Variants in RAD51B observed in about 807,000 individuals in gnomAD.
RAD51B encodes the protein RAD51 paralog B.
In RAD51B, 38 loss-of-function variants were observed where a neutral mutation model predicts 42.2. The observed-to-expected ratio is 0.90, with a 90% CI of 0.70 to 1.18. The LOEUF is 1.18. Ranked by LOEUF, RAD51B falls within the 50% of genes most tolerant of loss-of-function variation. The pLI, the probability that RAD51B is intolerant of heterozygous loss-of-function variation, is 0.00. For synonymous variants in RAD51B, 154 were observed against 145.2 expected (o/e 1.06, Z -0.43); for missense variants, 373 against 400.7 (o/e 0.93, Z 0.59).
At chr14:68,344,946 C>CAAAAA (rs34579667) in intron 8 of RAD51B, among the ~76,000 whole-genome samples, 10 of 113,212 alleles carry the variant, frequency 8.8e-5, no homozygotes, top group Non-Finnish European at 1.5e-4. Context: ...GACTCAATCT[C>CAAAAA]AAAAAAAAAA....
At chr14:67,840,015 A>G (rs2041371654) in intron 4 of RAD51B, among the ~76,000 whole-genome samples, 1 of 152,154 alleles carries the variant, frequency 6.6e-6, no homozygotes, top group Non-Finnish European at 1.5e-5. Flanking sequence ...ATAACTTTGC[A>G]TGATATTGAT....
chr14:68,328,850 A>C (rs1197581760), intron 8 of RAD51B, among the ~76,000 whole-genome samples: 1 of 152,208 alleles, frequency 6.6e-6, no homozygotes, highest in Non-Finnish European at 1.5e-5. Context: ...AGCCTGCCTA[A>C]GACTAACAAC....
intron 8 of RAD51B, among the ~76,000 whole-genome samples, chr14:68,405,829 CAAAAAAAAAA>C (rs10547910): frequency 4.2e-5 from 3 of 71,546 alleles, no homozygotes; most frequent in African/African-American, 9.1e-5. Flanking sequence ...AGTTTATCAC[CAAAAAAAAAA>C]AAAAAAAAAA....
chr14:68,587,085 C>CT (rs1453746746), intron 10 of RAD51B, among the ~76,000 whole-genome samples: 1 of 152,166 alleles, frequency 6.6e-6, no homozygotes, highest in African/African-American at 2.4e-5. Flanking sequence ...GCCAGGGATC[C>CT]TGCTCTCTGC....
At chr14:68,650,874 T>C (rs766812418) in intron 11 of RAD51B, 18 of 744,868 alleles carry the variant, frequency 2.4e-5, no homozygotes, top group Non-Finnish European at 3.4e-5. Context: ...CAAAATAGCA[T>C]TCTCCCTCAC....
intron 10 of RAD51B, among the ~76,000 whole-genome samples, chr14:68,543,777 A>C (rs1248003271): frequency 1.3e-5 from 2 of 152,214 alleles, no homozygotes; most frequent in East Asian, 3.9e-4. Context: ...TATGGTTTTC[A>C]AAGCAAGTAG....
intron 7 of RAD51B, among the ~76,000 whole-genome samples, chr14:68,261,018 T>C (rs1260739349): frequency 6.6e-6 from 1 of 152,264 alleles, no homozygotes; most frequent in Non-Finnish European, 1.5e-5. Flanking sequence ...AGAATGCTCC[T>C]TTTAATTCAT....
chr14:68,450,822 C>G (rs1413692538), intron 9 of RAD51B, among the ~76,000 whole-genome samples: 1 of 152,156 alleles, frequency 6.6e-6, no homozygotes, highest in Non-Finnish European at 1.5e-5. Flanking sequence ...CAAATAGTCT[C>G]ACAGTGTAGT....
chr14:68,476,237 G>A (rs1352456077), intron 10 of RAD51B, among the ~76,000 whole-genome samples: 2 of 152,108 alleles, frequency 1.3e-5, no homozygotes, highest in African/African-American at 2.4e-5. Flanking sequence ...GAGTACGTGG[G>A]ACTTGGACTG....
chr14:68,166,834 T>A (rs1375440724), intron 7 of RAD51B, among the ~76,000 whole-genome samples: 1 of 152,160 alleles, frequency 6.6e-6, no homozygotes, highest in East Asian at 1.9e-4. Flanking sequence ...GAATTTGCTC[T>A]CTCTGTGAAT....
chr14:68,282,954 C>G (rs952836889), intron 7 of RAD51B, among the ~76,000 whole-genome samples: 2 of 152,182 alleles, frequency 1.3e-5, no homozygotes, highest in African/African-American at 4.8e-5. Flanking sequence ...GGAAGTGTAG[C>G]TGAGGCTGAA....
chr14:68,479,979 G>A (rs1389954752), downstream of RAD51B, among the ~76,000 whole-genome samples: 1 of 151,902 alleles, frequency 6.6e-6, no homozygotes, highest in Non-Finnish European at 1.5e-5. Context: ...GAGCCACCGC[G>A]CCCAGCCAGG....
intron 10 of RAD51B, among the ~76,000 whole-genome samples, chr14:68,638,559 A>G (rs1444233939): frequency 6.6e-6 from 1 of 152,150 alleles, no homozygotes; most frequent in Non-Finnish European, 1.5e-5. Flanking sequence ...CTCACCATCA[A>G]GGAAGAAAGA....
In RAD51B at chr14:68,195,492, AC is replaced by A. The variant is rs577142756; in HGVS notation, c.757-96391del. The stretch of plus-strand genomic sequence containing the variant: ...TGAGGATGACCTACAATTAAAAAAT[AC>A]ATCCATGATACTCCCAGTACACATA... On this transcript the variant is annotated intron_variant, in intron 7 of 10. Coordinates refer to ENST00000471583, the MANE Select transcript of RAD51B (RefSeq NM_133510.4). Among the ~76,000 whole-genome samples the A allele has an allele frequency of 5.9e-5, 9 of 152,236 alleles. No individual in the cohort carries two copies. In the South Asian group the frequency reaches 1.9e-3, roughly 31 times the overall value.
intron 7 of RAD51B, among the ~76,000 whole-genome samples, chr14:67,919,246 A>C (rs970835870): frequency 6.6e-6 from 1 of 152,186 alleles, no homozygotes; most frequent in Non-Finnish European, 1.5e-5. Flanking sequence ...TATTCTGTGA[A>C]GGTTCGTAAA....
intron 10 of RAD51B, among the ~76,000 whole-genome samples, chr14:68,548,032 T>C (rs1283056546): frequency 1.3e-5 from 2 of 152,204 alleles, no homozygotes; most frequent in African/African-American, 4.8e-5. Context: ...CATCCTGTCT[T>C]GGAGGCCTCA....
intron 7 of RAD51B, among the ~76,000 whole-genome samples, chr14:68,163,165 C>A (rs887120968): frequency 2.0e-5 from 3 of 152,160 alleles, no homozygotes; most frequent in African/African-American, 7.2e-5. Flanking sequence ...AGTGATACTA[C>A]AGATGGATTT....
At chr14:68,661,258 C>G (rs1409665341) in intron 11 of RAD51B, among the ~76,000 whole-genome samples, 1 of 152,328 alleles carries the variant, frequency 6.6e-6, no homozygotes, top group Non-Finnish European at 1.5e-5. Flanking sequence ...ACATATTCCA[C>G]AAACACACTG....
chr14:68,357,710 C>G (rs2082937826), intron 8 of RAD51B, among the ~76,000 whole-genome samples: 1 of 152,158 alleles, frequency 6.6e-6, no homozygotes, highest in Admixed American at 6.5e-5. Context: ...GCTACATTGT[C>G]AGTGAGTAGT....
Sources: allele counts gnomAD v4.1 joint callset (sites outside exome capture counted in the v4.1 genomes callset), GRCh38; gene constraint gnomAD v4.1.1; transcripts MANE v1.5; gene names NCBI Gene and HGNC (gene_info 2026-07-23, HGNC 2026-07-21).